Variants in CUL4A observed in about 807,000 individuals in gnomAD.
CUL4A encodes the protein cullin-4A.
In CUL4A, 16 loss-of-function variants were observed where a neutral mutation model predicts 95.5. That is an observed-to-expected ratio of 0.17 (90% CI 0.11 to 0.25). CUL4A has a LOEUF of 0.25. Ranked by LOEUF, CUL4A falls within the 10% of genes least tolerant of loss-of-function variation. CUL4A has a pLI of 1.00. For missense variants in CUL4A, 610 were observed against 937.0 expected, an observed-to-expected ratio of 0.65 and a Z score of 4.56; for synonymous variants, 380 against 353.1, an observed-to-expected ratio of 1.08 and a Z score of -0.85.
At chr13:113,226,714 A>G (rs2041117169) in intron 3 of CUL4A, among the ~76,000 whole-genome samples, 1 of 152,130 alleles carries the variant, frequency 6.6e-6, no homozygotes, top group South Asian at 2.1e-4. Context: ...AACCTGAGCC[A>G]TTTTCCTGTC....
At position 113,232,215 on chromosome 13, in the gene CUL4A, ACTG is replaced by A. The variant is rs534067896; in HGVS notation, c.513-957_513-955del. 0.01 allele frequency among the ~76,000 whole-genome samples: 31 copies of A among 3,036 alleles called. 4 individuals are homozygous for A. The South Asian group carries it at 0.19, about 18-fold the overall frequency. The allele number at this position is 3,036 out of a possible 152,430, so 2.0% of individuals were successfully genotyped here. A position where few individuals can be genotyped will look rare whatever the true frequency, so the allele number is the denominator to read the frequency against. On this transcript the variant is annotated intron_variant, in intron 5 of 19. Coordinates refer to ENST00000375440, the MANE Select transcript of CUL4A (RefSeq NM_001008895.4). The stretch of plus-strand genomic sequence containing the variant: ...CCACCACTACCCGCCCACCACCATT[ACTG>A]CTGCCACCACTACCCGCCCACCACC...
chr13:113,261,026 G>A (rs994580122), intron 19 of CUL4A, among the ~76,000 whole-genome samples: 2 of 152,164 alleles, frequency 1.3e-5, no homozygotes, highest in Non-Finnish European at 2.9e-5. Context: ...AGGTAGATGG[G>A]ACATGGAAAG....
chr13:113,232,293 T>C (rs1380630644), intron 5 of CUL4A, among the ~76,000 whole-genome samples: 1 of 149,056 alleles, frequency 6.7e-6, no homozygotes, highest in Non-Finnish European at 1.5e-5. Flanking sequence ...CTGCCACCAC[T>C]ACCCGCCCAC....
intron 15 of CUL4A, among the ~76,000 whole-genome samples, chr13:113,249,149 A>G (rs953926251): frequency 1.3e-5 from 2 of 152,178 alleles, no homozygotes; most frequent in Non-Finnish European, 2.9e-5. Context: ...TGGAATCACA[A>G]TATGTGAGCT....
At chr13:113,232,303 C>T (rs1425493510) in intron 5 of CUL4A, among the ~76,000 whole-genome samples, 1 of 151,630 alleles carries the variant, frequency 6.6e-6, no homozygotes, top group Non-Finnish European at 1.5e-5. Context: ...TACCCGCCCA[C>T]CACTATTACT....
At chr13:113,231,713 T>C (rs1420414805) in intron 5 of CUL4A, among the ~76,000 whole-genome samples, 1 of 152,138 alleles carries the variant, frequency 6.6e-6, no homozygotes, top group Non-Finnish European at 1.5e-5. Flanking sequence ...TAGCAAGTAG[T>C]AGGGCCAGGA....
Position 113,233,178 on chromosome 13 carries a change from G to A in CUL4A, c.514G>A (p.Asp172Asn). 1 of 1,613,790 alleles carries A rather than the reference G, an allele frequency of 6.2e-7. No individual in the cohort carries two copies. Among genetic ancestry groups the A allele is most frequent in the Non-Finnish European group, 8.5e-7 (1 of 1,179,798 alleles). The change falls in exon 6 of 20, where the codon GAT becomes AAT. Residue 172 changes from aspartate to asparagine, a missense_variant and splice_region_variant. Asp to Asn is a conservative substitution (Grantham distance 23, BLOSUM62 1). Coordinates refer to ENST00000375440, the MANE Select transcript of CUL4A (RefSeq NM_001008895.4). ...TCCTGTTTCTTACTGTCTATACAGG[G>A]ATATGGGATTAGAACTGTTTAGAAC... ...LQNSTLPSIW[D>N]MGLELFRTHI...
At chr13:113,216,556 G>A (rs979646532) in intron 2 of CUL4A, among the ~76,000 whole-genome samples, 7 of 152,176 alleles carry the variant, frequency 4.6e-5, no homozygotes, top group East Asian at 1.9e-4. Flanking sequence ...CTCTACCTCC[G>A]ATCATTGGAT....
intron 3 of CUL4A, among the ~76,000 whole-genome samples, chr13:113,225,736 G>T (rs552982459): frequency 3.0e-4 from 45 of 152,382 alleles, no homozygotes; most frequent in African/African-American, 1.1e-3. Flanking sequence ...AGTCAGAGCT[G>T]CAGGATGGCT....
At position 113,259,416 on chromosome 13, in the gene CUL4A, T is replaced by C. The variant is rs147012648; in HGVS notation, c.2032-1191T>C. ...CACAGACCTTCCCCCAGCCCTCATT[T>C]CAACTGCAGATCCCCATCAGGTTCC... is the stretch of plus-strand genomic sequence containing the variant. On this transcript the variant is annotated intron_variant, in intron 18 of 19. Coordinates refer to ENST00000375440, the MANE Select transcript of CUL4A (RefSeq NM_001008895.4). Among the ~76,000 whole-genome samples the C allele has an allele frequency of 8.7e-4, 132 of 152,326 alleles. No individual in the cohort carries two copies. The Middle Eastern group carries it at 0.014, about 16-fold the overall frequency.
upstream of CUL4A, chr13:113,208,670 G>T: frequency 6.3e-7 from 1 of 1,591,242 alleles, no homozygotes; most frequent in Non-Finnish European, 8.5e-7. Context: ...CACCCCCTAC[G>T]CCTCAAGCGG....
intron 10 of CUL4A, among the ~76,000 whole-genome samples, chr13:113,240,655 G>A (rs1018956216): frequency 6.6e-6 from 1 of 152,144 alleles, no homozygotes; most frequent in Admixed American, 6.5e-5. Flanking sequence ...ATAACATTTT[G>A]GAAATGACAA....
chr13:113,236,838 T>G lies in CUL4A; in HGVS notation c.864T>G (p.Ala288=). 1.2e-6 allele frequency: 2 copies of G among 1,611,350 alleles called. No individual in the cohort carries two copies. Among genetic ancestry groups the G allele is most frequent in the Non-Finnish European group, 1.7e-6 (2 of 1,177,984 alleles). ...CCTTATATAGGAAACCACTGATTGCTTGTGTGGAGAAACAGCTATTAGGAG... is the reference window on the plus strand; with the variant it reads ...CCTTATATAGGAAACCACTGATTGCGTGTGTGGAGAAACAGCTATTAGGAG... The part of the protein sequence containing the change: ...LDHSTQKPLI[A]CVEKQLLGEH... Residue 288 remains alanine, a synonymous_variant, in exon 9 of 20, where the codon GCT becomes GCG. Transcript: ENST00000375440.
intron 16 of CUL4A, 75 bp from the exon 17 acceptor site, chr13:113,254,618 A>T: frequency 9.1e-7 from 1 of 1,104,822 alleles, no homozygotes; most frequent in South Asian, 1.5e-5. Flanking sequence ...TTTGAGAGCA[A>T]AAAGAAGCTT....
chr13:113,246,135 A>C (rs780598305), intron 15 of CUL4A, 72 bp downstream of exon 15: 1 of 1,139,622 alleles, frequency 8.8e-7, no homozygotes, highest in Non-Finnish European at 1.3e-6. Flanking sequence ...GTTGCCTTCA[A>C]GAATTGTTGA....
chr13:113,239,335 C>T (rs754226221), intron 9 of CUL4A, 98 bp from the exon 10 acceptor site: 21 of 1,007,906 alleles, frequency 2.1e-5, no homozygotes, highest in Admixed American at 1.6e-4. Flanking sequence ...AATTTCTAAG[C>T]GGTGTATTGA....
At chr13:113,250,991 A>G (rs554796020) in intron 15 of CUL4A, among the ~76,000 whole-genome samples, 2 of 152,238 alleles carry the variant, frequency 1.3e-5, no homozygotes, top group South Asian at 4.2e-4. Flanking sequence ...GGAATTTCTG[A>G]CAGGGCACAG....
At chr13:113,260,200 T>G in intron 18 of CUL4A, among the ~76,000 whole-genome samples, 2 of 352 alleles carry the variant, frequency 5.7e-3, no homozygotes, top group Non-Finnish European at 0.011. Flanking sequence ...TGAGACTCCG[T>G]CTCAAAAAAA....
chr13:113,220,513 C>G (rs748600513), intron 3 of CUL4A, among the ~76,000 whole-genome samples: 2 of 152,226 alleles, frequency 1.3e-5, no homozygotes, highest in Non-Finnish European at 2.9e-5. Context: ...TTCCAGGAAC[C>G]TACGTTCCAG....
Sources: allele counts gnomAD v4.1 joint callset (sites outside exome capture counted in the v4.1 genomes callset), GRCh38; gene constraint gnomAD v4.1.1; transcripts MANE v1.5; gene names NCBI Gene and HGNC (gene_info 2026-07-23, HGNC 2026-07-21).